Variants in NIPSNAP3B observed in about 807,000 individuals in gnomAD.
NIPSNAP3B encodes protein NipSnap homolog 3B.
In NIPSNAP3B, 30 loss-of-function variants were observed where a neutral mutation model predicts 31.5. The observed-to-expected ratio is 0.95, with a 90% CI of 0.71 to 1.29. The LOEUF is 1.29. Among genes scored for constraint, NIPSNAP3B ranks in the 50% most tolerant of loss-of-function variants. The probability of loss-of-function intolerance (pLI) is 0.00; values close to 1 mark genes in which losing one functional copy is unlikely to be tolerated. For missense variants in NIPSNAP3B, 269 were observed against 300.7 expected (o/e 0.89, Z 0.78); for synonymous variants, 106 against 107.9 (o/e 0.98, Z 0.11).
the NIPSNAP3B span, chr9:104,785,729 A>T: frequency 6.5e-7 from 1 of 1,545,056 alleles, no homozygotes; most frequent in African/African-American, 1.4e-5. Context: ...TGTGCCATGA[A>T]AAAGGGCGGC....
chr9:104,779,203 TCTTATTTTCTTCTTAGCACCCATTG>T (rs1828399130), downstream of NIPSNAP3B, among the ~76,000 whole-genome samples: 1 of 152,166 alleles, frequency 6.6e-6, no homozygotes, highest in Non-Finnish European at 1.5e-5. Flanking sequence ...AATTACCATG[TCTTATTTTCTTCTTAGCACCCATTG>T]CTGTCAAAAT....
chr9:104,784,843 CCT>C, the NIPSNAP3B span, among the ~76,000 whole-genome samples: 18 of 152,192 alleles, frequency 1.2e-4, no homozygotes, highest in African/African-American at 4.1e-4. Flanking sequence ...GGGGTTTCAC[CCT>C]GTTGGCCAGG....
chr9:104,779,434 T>C (rs1828407295), downstream of NIPSNAP3B, among the ~76,000 whole-genome samples: 1 of 144,234 alleles, frequency 6.9e-6, no homozygotes, highest in Non-Finnish European at 1.5e-5. Flanking sequence ...TTTTAACTGA[T>C]ACCTAACTTC....
At position 104,766,445 on chromosome 9, in the gene NIPSNAP3B, C is replaced by A. The variant is rs137916198; in HGVS notation, c.181C>A (p.His61Asn). 469 of 1,613,834 alleles carry A rather than the reference C, an allele frequency of 2.9e-4. 2 individuals are homozygous for A. In the African/African-American group the frequency reaches 5.4e-3, roughly 19 times the overall value. Reference protein sequence around the residue: ...AFMENLKKNIHLRTSYSELVG... With the variant: ...AFMENLKKNINLRTSYSELVG... The stretch of plus-strand genomic sequence containing the variant: ...CATGGAAAATCTTAAGAAAAACATT[C>A]ATCTTCGGACCTCTTACTCTGAATT... Residue 61 changes from histidine (H) to asparagine (N), a missense_variant, in exon 2 of 6, where the codon CAT becomes AAT. By Grantham distance (68) the His-to-Asn change is moderately conservative (BLOSUM62 1). Coordinates refer to ENST00000374762, the MANE Select transcript of NIPSNAP3B (RefSeq NM_018376.4).
intron 3 of NIPSNAP3B, 135 bp downstream of exon 3, chr9:104,769,156 A>T (rs957922817): frequency 6.5e-6 from 4 of 614,082 alleles, no homozygotes; most frequent in Non-Finnish European, 9.7e-6. Flanking sequence ...GAGTCTGGAG[A>T]TAAAAATGAA....
intron 4 of NIPSNAP3B, among the ~76,000 whole-genome samples, chr9:104,771,846 C>T (rs951778779): frequency 5.3e-5 from 8 of 152,188 alleles, no homozygotes; most frequent in African/African-American, 1.9e-4. Context: ...CTCCCACCAA[C>T]AGGGTGTAAG....
intron 1 of NIPSNAP3B, among the ~76,000 whole-genome samples, chr9:104,764,502 T>C (rs1199482816): frequency 6.6e-6 from 1 of 152,222 alleles, no homozygotes; most frequent in African/African-American, 2.4e-5. Context: ...GCAGTCGCTG[T>C]CAGAGGGGTT....
Position 104,764,226 on chromosome 9 carries a change from T to C in NIPSNAP3B, c.-15T>C. On this transcript the variant is annotated 5_prime_UTR_variant, in exon 1 of 6. Coordinates refer to ENST00000374762, the MANE Select transcript of NIPSNAP3B (RefSeq NM_018376.4). ...GGACTCGGCTGGCTGCTTTTCTCAG[T>C]GCCGAAGCCGCGCCATGCTCGTTCT... is the stretch of plus-strand genomic sequence containing the variant. 1 of 1,599,434 alleles carries C rather than the reference T, an allele frequency of 6.3e-7. No homozygotes were observed. The highest frequency in any genetic ancestry group is 8.5e-7 in the Non-Finnish European group (1 of 1,174,898).
chr9:104,768,300 T>C (rs1828131818), intron 2 of NIPSNAP3B, among the ~76,000 whole-genome samples: 1 of 152,168 alleles, frequency 6.6e-6, no homozygotes, highest in Non-Finnish European at 1.5e-5. Flanking sequence ...GAGCTGTTGT[T>C]CAAAAAAGAG....
chr9:104,784,288 T>G, the NIPSNAP3B span: 1 of 1,613,950 alleles, frequency 6.2e-7, no homozygotes, highest in Non-Finnish European at 8.5e-7. Context: ...CTCTTTACTT[T>G]CAGCCACCCC....
intron 3 of NIPSNAP3B, 78 bp downstream of exon 3, chr9:104,769,099 A>G: frequency 9.7e-7 from 1 of 1,034,700 alleles, no homozygotes; most frequent in Non-Finnish European, 1.4e-6. Context: ...GTAAAGTTCT[A>G]TAGGAAAAAA....
At chr9:104,788,045 A>G in the NIPSNAP3B span, 1 of 1,614,100 alleles carries the variant, frequency 6.2e-7, no homozygotes, top group East Asian at 2.2e-5. Flanking sequence ...CGAATCGCCC[A>G]CTCACCAACC....
chr9:104,777,856 G>GA (rs1428684136), downstream of NIPSNAP3B, among the ~76,000 whole-genome samples: 1 of 152,130 alleles, frequency 6.6e-6, no homozygotes, highest in Non-Finnish European at 1.5e-5. Flanking sequence ...AGTCTTCCCT[G>GA]AAAATCTATT....
intron 1 of NIPSNAP3B, 37 bp downstream of exon 1, chr9:104,764,337 A>T: frequency 1.3e-6 from 2 of 1,493,402 alleles, no homozygotes; most frequent in Non-Finnish European, 1.8e-6. Flanking sequence ...CCCTGGCCGG[A>T]GGGGAGGGGA....
intron 2 of NIPSNAP3B, among the ~76,000 whole-genome samples, chr9:104,768,180 T>C (rs1213555945): frequency 2.6e-5 from 4 of 152,184 alleles, no homozygotes; most frequent in African/African-American, 9.7e-5. Flanking sequence ...ACTAGGCCCA[T>C]ATCTTGGTAA....
chr9:104,771,941 T>C (rs1303691457), intron 4 of NIPSNAP3B, among the ~76,000 whole-genome samples: 1 of 152,206 alleles, frequency 6.6e-6, no homozygotes, highest in East Asian at 1.9e-4. Context: ...TGAGATGGTA[T>C]CTAATTGTGG....
At chr9:104,788,638 T>A in the NIPSNAP3B span, 2 of 1,560,946 alleles carry the variant, frequency 1.3e-6, no homozygotes, top group Non-Finnish European at 1.8e-6. Context: ...TCTGGCCTAA[T>A]GTTCCTGTAA....
At position 104,776,275 on chromosome 9, in the gene NIPSNAP3B, C is replaced by T. The variant is rs993409929; in HGVS notation, c.*3202C>T. 1.3e-5 allele frequency among the ~76,000 whole-genome samples: 2 copies of T among 152,168 alleles called. No individual in the cohort carries two copies. The highest frequency in any genetic ancestry group is 4.8e-5 in the African/African-American group (2 of 41,438). The stretch of plus-strand genomic sequence containing the variant: ...ATGCTCTTCCCCAGACATGCATCTG[C>T]GTGGATCATTTCCATGCCTCCTCAG... On this transcript the variant is annotated 3_prime_UTR_variant, in exon 6 of 6. Transcript: ENST00000374762.
intron 2 of NIPSNAP3B, 37 bp from the exon 3 acceptor site, chr9:104,768,826 A>G (rs1356558921): frequency 1.3e-6 from 2 of 1,571,714 alleles, no homozygotes. Context: ...GCGATTTTAA[A>G]TAAAAAAACA....
Sources: gnomAD v4.1 joint callset for allele counts (sites outside exome capture counted in the v4.1 genomes callset) on GRCh38, gnomAD v4.1.1 for gene constraint, MANE v1.5 for transcripts, NCBI Gene and HGNC (gene_info 2026-07-23, HGNC 2026-07-21) for gene names.